Variants in FYB2 observed in about 807,000 individuals in gnomAD.
FYB2 encodes FYN-binding protein 2.
A neutral mutation model predicts 94.1 loss-of-function variants in FYB2; 103 were observed. The ratio of observed to expected loss-of-function variants is 1.09; its 90% confidence interval spans 0.93 to 1.29. The LOEUF (loss-of-function observed/expected upper bound fraction) is 1.29. FYB2 is among the 50% of genes most tolerant of loss of function. The pLI, the probability that FYB2 is intolerant of heterozygous loss-of-function variation, is 0.00. For synonymous variants in FYB2, 293 were observed against 287.9 expected, an observed-to-expected ratio of 1.02 and a Z score of -0.18; for missense variants, 896 against 841.5, an observed-to-expected ratio of 1.06 and a Z score of -0.80.
intron 9 of FYB2, among the ~76,000 whole-genome samples, chr1:56,745,582 A>G (rs1415012801): frequency 2.0e-5 from 3 of 151,988 alleles, no homozygotes; most frequent in Non-Finnish European, 2.9e-5. Flanking sequence ...CAATTCTACC[A>G]TAGTATCCTC....
chr1:56,818,529 T>C (rs532927601), intron 1 of FYB2, among the ~76,000 whole-genome samples: 1 of 148,798 alleles, frequency 6.7e-6, no homozygotes, highest in South Asian at 2.2e-4. Flanking sequence ...GAAACTGACT[T>C]ACTGAAGACG....
Position 56,792,605 on chromosome 1 carries a change from C to T in FYB2, c.208G>A (p.Glu70Lys). The change falls in exon 2 of 20, where the codon GAG (glutamate) becomes AAG (lysine). Residue 70 changes from glutamate to lysine, a missense_variant. By Grantham distance (56) the Glu-to-Lys change is moderately conservative. Coordinates refer to ENST00000343433, the MANE Select transcript of FYB2 (RefSeq NM_001004303.5). ...TTCTGAGGTTGAAGAGGCTGGGACT[C>T]ACTACTGGAACAGTATGGTGTGCGC... ...KQRTPYCSSS[E>K]SQPLQPQKIK... 1.2e-6 allele frequency: 2 copies of T among 1,614,040 alleles called. No homozygotes were observed. Among genetic ancestry groups the T allele is most frequent in the Non-Finnish European group, 1.7e-6 (2 of 1,180,000 alleles).
intron 5 of FYB2, among the ~76,000 whole-genome samples, chr1:56,764,511 C>T (rs1289091520): frequency 1.3e-5 from 2 of 151,454 alleles, no homozygotes; most frequent in Admixed American, 1.3e-4. Context: ...CTGTTGAGCA[C>T]ATCCACTGAC....
At chr1:56,775,795 C>G (rs1000778740) in intron 4 of FYB2, among the ~76,000 whole-genome samples, 1 of 152,088 alleles carries the variant, frequency 6.6e-6, no homozygotes, top group Non-Finnish European at 1.5e-5. Flanking sequence ...AAGGAGGATT[C>G]CAAAGGACTG....
intron 4 of FYB2, among the ~76,000 whole-genome samples, chr1:56,768,176 C>A (rs1645671497): frequency 6.6e-6 from 1 of 152,054 alleles, no homozygotes; most frequent in African/African-American, 2.4e-5. Context: ...AAGCAAAATC[C>A]CCAGGTGCCA....
At chr1:56,809,000 C>A (rs1646705879) in intron 1 of FYB2, among the ~76,000 whole-genome samples, 1 of 152,198 alleles carries the variant, frequency 6.6e-6, no homozygotes, top group Non-Finnish European at 1.5e-5. Flanking sequence ...TACACACACA[C>A]ATACACATAT....
intron 15 of FYB2, among the ~76,000 whole-genome samples, chr1:56,733,932 CTTGG>C (rs1644770565): frequency 6.6e-6 from 1 of 152,100 alleles, no homozygotes; most frequent in Non-Finnish European, 1.5e-5. Context: ...ATTAGGTCCA[CTTGG>C]TGCAGAGCTG....
intron 1 of FYB2, among the ~76,000 whole-genome samples, chr1:56,794,246 G>A (rs1646342997): frequency 1.3e-5 from 2 of 152,278 alleles, no homozygotes; most frequent in South Asian, 4.1e-4. Context: ...GAGTTGATTG[G>A]TGGTCCGGCC....
At chr1:56,750,093 C>A (rs74432215) in intron 9 of FYB2, among the ~76,000 whole-genome samples, 1 of 151,910 alleles carries the variant, frequency 6.6e-6, no homozygotes, top group East Asian at 1.9e-4. Context: ...AAAAAAAATA[C>A]CAAATGGTCT....
Position 56,719,313 on chromosome 1 carries a change from TAGA to T in FYB2, c.*355_*357del. The T allele has an allele frequency of 5.1e-6, 1 of 197,620 alleles. No homozygotes were observed. Among genetic ancestry groups the T allele is most frequent in the Non-Finnish European group, 1.0e-5 (1 of 96,984 alleles). The allele number at this position is 197,620 out of a possible 1,614,324, so 12.2% of individuals were successfully genotyped here. On this transcript the variant is annotated 3_prime_UTR_variant, in exon 20 of 20. Transcript: ENST00000343433. ...ATTACAAATGCTCATATACTAATAT[TAGA>T]AGCAAACTAACCATCTGCACAACTG...
At chr1:56,729,725 G>A (rs1396620949) in intron 15 of FYB2, among the ~76,000 whole-genome samples, 1 of 151,996 alleles carries the variant, frequency 6.6e-6, no homozygotes, top group Non-Finnish European at 1.5e-5. Context: ...GTTCTGTATA[G>A]TACACATTCT....
At chr1:56,811,255 A>G (rs1433935617) in intron 1 of FYB2, among the ~76,000 whole-genome samples, 1 of 152,238 alleles carries the variant, frequency 6.6e-6, no homozygotes, top group African/African-American at 2.4e-5. Context: ...TCTCTCTCAG[A>G]AACTCTAGAA....
rs1645317656 is a variant in FYB2 at position 56,755,891 on chromosome 1, C to T, written c.1130+5G>A. 6.2e-7 allele frequency: 1 copy of T among 1,605,464 alleles called. No individual in the cohort carries two copies. Among genetic ancestry groups the T allele is most frequent in the Non-Finnish European group, 8.5e-7 (1 of 1,173,088 alleles). ...GGTGCTTTTCTTTTGAAAGATAAAA[C>T]TCACCTAGGTTCTGGATAGGGAAAA... On this transcript the variant is annotated splice_donor_5th_base_variant and intron_variant, in intron 7 of 19. Coordinates refer to ENST00000343433, the MANE Select transcript of FYB2 (RefSeq NM_001004303.5).
intron 9 of FYB2, among the ~76,000 whole-genome samples, chr1:56,749,943 TG>T (rs1645156462): frequency 6.6e-6 from 1 of 152,060 alleles, no homozygotes; most frequent in Non-Finnish European, 1.5e-5. Context: ...TTCTTCACTT[TG>T]TTTTAGTCAA....
Position 56,719,626 on chromosome 1 carries a change from A to C in FYB2, c.*45T>G. ...TGTAACGCAGGACTAGGATCTTAGG[A>C]CTAGTTCTCCTTTGTGCAGTCCATA... On this transcript the variant is annotated 3_prime_UTR_variant, in exon 20 of 20. Transcript: ENST00000343433. 1 of 1,533,936 alleles carries C rather than the reference A, an allele frequency of 6.5e-7. No homozygotes were observed. Among genetic ancestry groups the C allele is most frequent in the Non-Finnish European group, 8.9e-7 (1 of 1,123,740 alleles).
upstream of FYB2, among the ~76,000 whole-genome samples, chr1:56,821,509 C>T (rs544924447): frequency 3.0e-4 from 46 of 152,308 alleles, no homozygotes; most frequent in African/African-American, 9.9e-4. Flanking sequence ...GGAAAGTCAA[C>T]TCTGAGATGT....
At chr1:56,732,296 GA>G (rs1644729092) in intron 15 of FYB2, among the ~76,000 whole-genome samples, 1 of 152,000 alleles carries the variant, frequency 6.6e-6, no homozygotes, top group African/African-American at 2.4e-5. Context: ...CTTCTACAAA[GA>G]AAATGACACA....
At chr1:56,799,485 G>C (rs1029282765) in intron 1 of FYB2, among the ~76,000 whole-genome samples, 1 of 151,922 alleles carries the variant, frequency 6.6e-6, no homozygotes, top group Non-Finnish European at 1.5e-5. Context: ...TATTTATACC[G>C]ACATGAGCAA....
At chr1:56,796,095 C>G (rs758772554) in intron 1 of FYB2, among the ~76,000 whole-genome samples, 1 of 152,188 alleles carries the variant, frequency 6.6e-6, no homozygotes, top group Non-Finnish European at 1.5e-5. Flanking sequence ...GTGTCTACCA[C>G]TGACTTTCAG....
Sources: gnomAD v4.1 joint callset for allele counts (sites outside exome capture counted in the v4.1 genomes callset) on GRCh38, gnomAD v4.1.1 for gene constraint, MANE v1.5 for transcripts, NCBI Gene and HGNC (gene_info 2026-07-23, HGNC 2026-07-21) for gene names.